Variants in ELK3 observed in about 807,000 individuals in gnomAD.
The protein encoded by ELK3 is ETS transcription factor ELK3, also known as ETS domain-containing protein Elk-3.
Under a neutral mutation model 28.9 loss-of-function variants are expected in ELK3, and 10 were observed. The ratio of observed to expected loss-of-function variants is 0.35; its 90% CI spans 0.21 to 0.59. ELK3 has a LOEUF of 0.59. Ranked by LOEUF, ELK3 falls within the 20% of genes least tolerant of loss-of-function variation. The pLI is 0.82. For missense variants in ELK3, 463 were observed against 517.3 expected, an observed-to-expected ratio of 0.90 and a Z score of 1.02; for synonymous variants, 272 against 243.5, an observed-to-expected ratio of 1.12 and a Z score of -1.09.
intron 3 of ELK3, among the ~76,000 whole-genome samples, chr12:96,256,474 C>CTGAT (rs1420458850): frequency 6.6e-6 from 1 of 152,112 alleles, no homozygotes; most frequent in African/African-American, 2.4e-5. Context: ...TGGAAAGGTG[C>CTGAT]TGAGCTTCAT....
chr12:96,247,362 G>A lies in ELK3; in HGVS notation c.630G>A (p.Ala210=), dbSNP rs146121047. The change falls in exon 3 of 5, where the codon GCG becomes GCA. Residue 210 remains alanine, a synonymous_variant. Coordinates refer to ENST00000228741, the MANE Select transcript of ELK3 (RefSeq NM_005230.4). This position sits in a 1 kb window ranked among gnomAD's most constrained non-coding sequence, Gnocchi z 5.5. ...CTTCCACGTCAGAGGCTGCGGCGGCGTCCGCCTTCCTGGCCTCGTCCGTCT... is the reference window on the plus strand; with the variant it reads ...CTTCCACGTCAGAGGCTGCGGCGGCATCCGCCTTCCTGGCCTCGTCCGTCT... The part of the protein sequence containing the change: ...SLPSTSEAAA[A]SAFLASSVSA... 82 of 1,614,164 alleles carry A rather than the reference G, an allele frequency of 5.1e-5. No individual in the cohort carries two copies. The African/African-American group carries it at 7.9e-4, about 15-fold the overall frequency.
intron 4 of ELK3, among the ~76,000 whole-genome samples, chr12:96,261,363 G>A (rs1336438741): frequency 3.3e-5 from 5 of 152,096 alleles, no homozygotes; most frequent in African/African-American, 9.7e-5. Flanking sequence ...TTCAGCTTGG[G>A]TAGGAAAAGA....
chr12:96,223,535 C>G (rs748456460), intron 1 of ELK3, 30 bp from the exon 2 acceptor site: 1 of 1,610,520 alleles, frequency 6.2e-7, no homozygotes, highest in Non-Finnish European at 8.5e-7. Context: ...TCGTGACCAG[C>G]AGCTCTGACC....
At chr12:96,219,198 A>T (rs1284974339) in intron 1 of ELK3, among the ~76,000 whole-genome samples, 2 of 152,204 alleles carry the variant, frequency 1.3e-5, no homozygotes, top group Non-Finnish European at 2.9e-5. Context: ...AATTACTCAC[A>T]TTCCTTAAAG....
At chr12:96,239,714 C>T (rs374953912) in intron 2 of ELK3, among the ~76,000 whole-genome samples, 94 of 152,354 alleles carry the variant, frequency 6.2e-4, no homozygotes, top group African/African-American at 2.1e-3. Flanking sequence ...CTGACAAGTG[C>T]GCAGGGCCAG....
At chr12:96,196,329 T>G (rs1206251194) in intron 1 of ELK3, among the ~76,000 whole-genome samples, 1 of 152,146 alleles carries the variant, frequency 6.6e-6, no homozygotes, top group East Asian at 1.9e-4. Flanking sequence ...TTGCAGGTTT[T>G]TCTTTCCCGC....
chr12:96,209,329 A>G (rs1951561082), intron 1 of ELK3, among the ~76,000 whole-genome samples: 1 of 152,210 alleles, frequency 6.6e-6, no homozygotes, highest in Non-Finnish European at 1.5e-5. Flanking sequence ...CCTTCCCAGA[A>G]AGACGCCTCT....
intron 4 of ELK3, among the ~76,000 whole-genome samples, chr12:96,266,551 T>A (rs1179473037): frequency 6.6e-6 from 1 of 152,056 alleles, no homozygotes; most frequent in Non-Finnish European, 1.5e-5. Flanking sequence ...CTTTCTTAGC[T>A]CCAAAATAAT....
At chr12:96,255,060 T>C (rs1237460998) in intron 3 of ELK3, among the ~76,000 whole-genome samples, 3 of 152,108 alleles carry the variant, frequency 2.0e-5, no homozygotes, top group African/African-American at 4.8e-5. Flanking sequence ...TAGGATGCTA[T>C]TGGAATATTC....
At chr12:96,227,189 T>G (rs1951708698) in intron 2 of ELK3, among the ~76,000 whole-genome samples, 1 of 152,082 alleles carries the variant, frequency 6.6e-6, no homozygotes, top group African/African-American at 2.4e-5. Flanking sequence ...CGTGCGTTTC[T>G]CAGTGTCACG....
chr12:96,246,650 G>T (rs1951857843), intron 2 of ELK3, among the ~76,000 whole-genome samples: 1 of 152,170 alleles, frequency 6.6e-6, no homozygotes, highest in African/African-American at 2.4e-5. Context: ...GACAGAGTGA[G>T]ACCCTGTCTA....
chr12:96,255,851 A>G (rs1258368169), intron 3 of ELK3, among the ~76,000 whole-genome samples: 1 of 152,214 alleles, frequency 6.6e-6, no homozygotes, highest in East Asian at 1.9e-4. Context: ...GTAAGTCACC[A>G]TATATAGGGT....
intron 3 of ELK3, among the ~76,000 whole-genome samples, chr12:96,258,938 C>G (rs1181533107): frequency 6.6e-6 from 1 of 152,190 alleles, no homozygotes; most frequent in Admixed American, 6.5e-5. Context: ...GAGGCTGCTA[C>G]AGGGTATTTT....
chr12:96,205,156 AAGAATCATTGTTTCACAACG>A (rs1194328321), intron 1 of ELK3, among the ~76,000 whole-genome samples: 2 of 152,258 alleles, frequency 1.3e-5, no homozygotes, highest in African/African-American at 4.8e-5. Context: ...TCCACCCTTG[AAGAATCATTGTTTCACAACG>A]AGAAGTCAGG....
chr12:96,227,579 C>T (rs1187914159), intron 2 of ELK3, among the ~76,000 whole-genome samples: 3 of 149,410 alleles, frequency 2.0e-5, no homozygotes, highest in African/African-American at 7.4e-5. Context: ...AGGAAGGCCC[C>T]GGAGGAGGGT....
chr12:96,246,492 A>C (rs1951856212), intron 2 of ELK3, among the ~76,000 whole-genome samples: 1 of 152,160 alleles, frequency 6.6e-6, no homozygotes, highest in African/African-American at 2.4e-5. Flanking sequence ...CTGTCTCCAC[A>C]AAAAATAAAA....
At chr12:96,251,209 T>C (rs1951902840) in intron 3 of ELK3, among the ~76,000 whole-genome samples, 1 of 152,198 alleles carries the variant, frequency 6.6e-6, no homozygotes, top group Non-Finnish European at 1.5e-5. Context: ...TCAGCGAGCT[T>C]TGATACTACT....
chr12:96,218,895 G>A (rs552002832), intron 1 of ELK3, among the ~76,000 whole-genome samples: 12 of 152,226 alleles, frequency 7.9e-5, no homozygotes, highest in East Asian at 3.9e-4. Flanking sequence ...TGATCCGCCC[G>A]CCTCGGCCTC....
chr12:96,197,342 C>T (rs187379396), intron 1 of ELK3, among the ~76,000 whole-genome samples: 3 of 152,076 alleles, frequency 2.0e-5, no homozygotes, highest in African/African-American at 2.4e-5. Flanking sequence ...GTGCTGCTAA[C>T]CAGTCAACAA....
Sources: allele counts gnomAD v4.1 joint callset (sites outside exome capture counted in the v4.1 genomes callset), GRCh38; gene constraint gnomAD v4.1.1; non-coding constraint Gnocchi (gnomAD v3.1); transcripts MANE v1.5; gene names NCBI Gene and HGNC (gene_info 2026-07-23, HGNC 2026-07-21).